Variants in SYT1 observed in about 807,000 individuals in gnomAD.
The protein encoded by SYT1 is synaptotagmin 1.
SYT1 carries 8 observed loss-of-function variants against 44.8 expected under a neutral mutation model. The observed-to-expected ratio is 0.18, with a 90% CI of 0.10 to 0.32. SYT1 has a LOEUF of 0.32. Among genes scored for constraint, SYT1 ranks in the 10% least tolerant of loss-of-function variants. SYT1 has a pLI of 1.00. For missense variants in SYT1, 286 were observed against 509.3 expected, an observed-to-expected ratio of 0.56 and a Z score of 4.22; for synonymous variants, 154 against 188.8, an observed-to-expected ratio of 0.82 and a Z score of 1.51.
intron 2 of SYT1, among the ~76,000 whole-genome samples, chr12:79,039,593 AT>A (rs998846488): frequency 2.6e-4 from 39 of 151,110 alleles, no homozygotes; most frequent in African/African-American, 9.4e-4. Context: ...CACATTTTTT[AT>A]TTTTTTATTT....
intron 2 of SYT1, among the ~76,000 whole-genome samples, chr12:79,043,640 T>G (rs1274603397): frequency 2.0e-5 from 3 of 151,636 alleles, no homozygotes; most frequent in African/African-American, 7.3e-5. Flanking sequence ...AAAGTTAGTA[T>G]TGTTATGTGT....
At chr12:79,382,585 AAAG>A (rs1210967087) in intron 9 of SYT1, among the ~76,000 whole-genome samples, 2 of 152,182 alleles carry the variant, frequency 1.3e-5, no homozygotes, top group Non-Finnish European at 2.9e-5. Context: ...AAGTTAAAAA[AAAG>A]AAAAGAAAAA....
intron 1 of SYT1, among the ~76,000 whole-genome samples, chr12:78,871,476 T>C (rs1053838281): frequency 1.3e-5 from 2 of 151,946 alleles, no homozygotes; most frequent in African/African-American, 4.8e-5. Context: ...ATACAAACAG[T>C]GGACATGGTC....
At chr12:79,308,934 G>A (rs1190488373) in intron 8 of SYT1, among the ~76,000 whole-genome samples, 2 of 152,228 alleles carry the variant, frequency 1.3e-5, no homozygotes, top group Non-Finnish European at 1.5e-5. Flanking sequence ...TATCACTTGG[G>A]AGATTCCAAA....
At chr12:79,247,465 C>T (rs1396972522) in intron 4 of SYT1, among the ~76,000 whole-genome samples, 2 of 152,120 alleles carry the variant, frequency 1.3e-5, no homozygotes, top group African/African-American at 2.4e-5. Context: ...CAAAGTAACA[C>T]AAGCAAAGTC....
intron 4 of SYT1, among the ~76,000 whole-genome samples, chr12:79,251,835 GA>G (rs1357550532): frequency 6.6e-6 from 1 of 152,048 alleles, no homozygotes; most frequent in Non-Finnish European, 1.5e-5. Flanking sequence ...CCATGCTTTG[GA>G]AAAACTGATT....
At chr12:79,350,377 A>G (rs569181412) in intron 8 of SYT1, among the ~76,000 whole-genome samples, 1 of 147,444 alleles carries the variant, frequency 6.8e-6, no homozygotes, top group South Asian at 2.1e-4. Context: ...CTCAGCCTCC[A>G]GAGTAGCTGG....
intron 9 of SYT1, among the ~76,000 whole-genome samples, chr12:79,435,029 T>C (rs1047696404): frequency 3.2e-4 from 48 of 152,140 alleles, no homozygotes; most frequent in African/African-American, 9.2e-4. Context: ...GGGATTAATA[T>C]AGAATAAGCA....
In SYT1 at chr12:79,126,555, G is replaced by A. The variant is rs73355564; in HGVS notation, c.-18+79193G>A. On this transcript the variant is annotated intron_variant, in intron 3 of 10. Coordinates refer to ENST00000261205, the MANE Select transcript of SYT1 (RefSeq NM_005639.3). ...ATTATAGGCGTGAGCCACCATACCC[G>A]GCCAAAAGTGTTTAATAATATGCTA... Among the ~76,000 whole-genome samples, 1,400 of 152,176 alleles carry A rather than the reference G, an allele frequency of 9.2e-3. 28 individuals are homozygous for A. The highest frequency in any genetic ancestry group is 0.032 in the African/African-American group (1,332 of 41,506).
intron 2 of SYT1, among the ~76,000 whole-genome samples, chr12:79,025,455 G>T (rs1872467125): frequency 6.6e-6 from 1 of 151,490 alleles, no homozygotes; most frequent in Non-Finnish European, 1.5e-5. Context: ...TAAACCATGA[G>T]AAACTAAGTT....
intron 9 of SYT1, among the ~76,000 whole-genome samples, chr12:79,355,770 G>T (rs922838686): frequency 3.3e-5 from 5 of 152,018 alleles, no homozygotes; most frequent in South Asian, 2.1e-4. Flanking sequence ...CATTCTTTAG[G>T]CCCAGCTTAA....
At chr12:79,241,696 A>AT (rs1419431452) in intron 4 of SYT1, among the ~76,000 whole-genome samples, 1 of 152,222 alleles carries the variant, frequency 6.6e-6, no homozygotes, top group Admixed American at 6.5e-5. Context: ...TTAGAAATGT[A>AT]TTTTTTAAAC....
chr12:79,191,387 G>C (rs1046711510), intron 3 of SYT1, among the ~76,000 whole-genome samples: 2 of 152,028 alleles, frequency 1.3e-5, no homozygotes, highest in Admixed American at 6.6e-5. Context: ...CTATTTTGCT[G>C]TTCAAAGACA....
intron 2 of SYT1, among the ~76,000 whole-genome samples, chr12:79,004,414 A>G (rs747036841): frequency 6.6e-6 from 1 of 151,964 alleles, no homozygotes; most frequent in Non-Finnish European, 1.5e-5. Flanking sequence ...TGAGCTCTAC[A>G]CAAATTTTGC....
chr12:79,265,258 C>T (rs1416315682), intron 4 of SYT1, among the ~76,000 whole-genome samples: 1 of 152,028 alleles, frequency 6.6e-6, no homozygotes, highest in Non-Finnish European at 1.5e-5. Context: ...TCATTTTATA[C>T]AGAGGAAAAC....
chr12:79,021,582 TAA>T (rs770133070), intron 2 of SYT1, among the ~76,000 whole-genome samples: 2 of 151,664 alleles, frequency 1.3e-5, no homozygotes, highest in African/African-American at 4.8e-5. Context: ...AAAATAATTA[TAA>T]AAAAAGAACC....
rs1007159010 is a variant in SYT1, at chr12:79,057,408, C to G, written c.-18+10046C>G. ...TTGGTTTCTAACTCATATGACCCCC[C>G]CCAAATGATATTATACAATTTTTCA... On this transcript the variant is annotated intron_variant, in intron 3 of 10. Transcript: ENST00000261205. Among the ~76,000 whole-genome samples, 7 of 151,790 alleles carry G rather than the reference C, an allele frequency of 4.6e-5. No homozygotes were observed. The East Asian group carries it at 1.4e-3, about 29-fold the overall frequency.
intron 9 of SYT1, among the ~76,000 whole-genome samples, chr12:79,432,733 C>T (rs1005535786): frequency 6.6e-6 from 1 of 152,178 alleles, no homozygotes; most frequent in African/African-American, 2.4e-5. Context: ...CCTGGGCCAG[C>T]CTCCTGAGTA....
At chr12:79,393,362 T>C (rs945586600) in intron 9 of SYT1, 1 of 152,226 alleles carries the variant, frequency 6.6e-6, no homozygotes, top group Non-Finnish European at 1.5e-5. Context: ...TAGTTCTAGA[T>C]CCTTGAGGAA....
Sources: gnomAD v4.1 joint callset for allele counts (sites outside exome capture counted in the v4.1 genomes callset) on GRCh38, gnomAD v4.1.1 for gene constraint, MANE v1.5 for transcripts, NCBI Gene and HGNC (gene_info 2026-07-23, HGNC 2026-07-21) for gene names.